The following NEDD9 variants were observed in gnomAD, a reference collection of about 807,000 sequenced individuals.
The protein encoded by NEDD9 is neural precursor cell expressed, developmentally down-regulated 9, also known as enhancer of filamentation 1.
In NEDD9, 26 loss-of-function variants were observed where a neutral mutation model predicts 76.6. The observed-to-expected ratio is 0.34, with a 90% CI of 0.25 to 0.47. NEDD9 has a LOEUF of 0.47. NEDD9 is among the 20% of genes least tolerant of loss of function. The pLI is 1.00. For synonymous variants in NEDD9, 392 were observed against 414.2 expected, an observed-to-expected ratio of 0.95 and a Z score of 0.65; for missense variants, 937 against 1,058.5, an observed-to-expected ratio of 0.89 and a Z score of 1.59.
chr6:11,248,962 T>C, intron 3 of NEDD9: 1 of 375,886 alleles, frequency 2.7e-6, no homozygotes, highest in South Asian at 1.9e-5. Context: ...CTTCTCCTTC[T>C]CTTCTCTCTC....
At chr6:11,266,664 G>A (rs1409773082) in intron 3 of NEDD9, among the ~76,000 whole-genome samples, 2 of 152,120 alleles carry the variant, frequency 1.3e-5, no homozygotes, top group Non-Finnish European at 2.9e-5. Context: ...TACTGTATGG[G>A]TTTATATTTG....
intron 3 of NEDD9, among the ~76,000 whole-genome samples, chr6:11,274,975 T>C (rs1476115845): frequency 1.3e-5 from 2 of 152,226 alleles, no homozygotes; most frequent in Non-Finnish European, 2.9e-5. Context: ...AGCCAAGTTA[T>C]GGAATCAACC....
At chr6:11,227,738 G>T (rs1759346159) in intron 1 of NEDD9, among the ~76,000 whole-genome samples, 1 of 152,128 alleles carries the variant, frequency 6.6e-6, no homozygotes, top group Non-Finnish European at 1.5e-5. Flanking sequence ...TGAGTTACAG[G>T]TATCCTTTAG....
At position 11,289,602 on chromosome 6, in the gene NEDD9, G is replaced by T. The variant is rs531118623; in HGVS notation, c.12+16390C>A. Among the ~76,000 whole-genome samples the T allele has an allele frequency of 1.6e-4, 24 of 152,226 alleles. No homozygotes were observed. The East Asian group carries it at 4.6e-3, about 29-fold the overall frequency. On this transcript the variant is annotated intron_variant, in intron 3 of 3. Coordinates refer to the NEDD9 transcript ENST00000397378. ...CGAGTAGCTGGGACTACAGGCACCT[G>T]CCACCACGCCTGGCTAATTTTTGTA...
intron 2 of NEDD9, chr6:11,328,708 C>A (rs183005268): frequency 6.6e-6 from 1 of 152,238 alleles, no homozygotes; most frequent in African/African-American, 2.4e-5. Context: ...CTTTGCCTTC[C>A]GTGCTAAGTG....
chr6:11,254,759 G>GCT (rs1464926377), intron 3 of NEDD9, among the ~76,000 whole-genome samples: 1 of 152,156 alleles, frequency 6.6e-6, no homozygotes, highest in Non-Finnish European at 1.5e-5. Flanking sequence ...ATTTCTAGCT[G>GCT]CTCTCTCCCC....
chr6:11,359,700 C>A (rs1392544648), intron 1 of NEDD9, among the ~76,000 whole-genome samples: 1 of 152,224 alleles, frequency 6.6e-6, no homozygotes, highest in Non-Finnish European at 1.5e-5. Flanking sequence ...CATAATATCC[C>A]AAACAAGTTG....
Position 11,213,774 on chromosome 6 carries a change from G to T in NEDD9, c.13-47C>A. ...GAAACCGTGTTAGAATATTGGGTCG[G>T]TCCCTTTATCACCTAAGGCCCGTGC... On this transcript the variant is annotated intron_variant, in intron 1 of 6. Coordinates refer to ENST00000379446, the MANE Select transcript of NEDD9 (RefSeq NM_006403.4). The surrounding 1 kb of genome is among the most constrained non-coding windows in gnomAD (Gnocchi z 5.4). The T allele has an allele frequency of 1.3e-6, 2 of 1,578,406 alleles. No homozygotes were observed. Among genetic ancestry groups the T allele is most frequent in the Non-Finnish European group, 1.7e-6 (2 of 1,154,382 alleles).
intron 1 of NEDD9, 34 bp downstream of exon 1, chr6:11,232,470 C>T (rs1561800051): frequency 1.3e-5 from 21 of 1,614,012 alleles, no homozygotes; most frequent in South Asian, 2.2e-5. Flanking sequence ...CAGCTTTCAG[C>T]TTGCAAGGTA....
At chr6:11,308,008 A>T (rs897050955) in intron 2 of NEDD9, among the ~76,000 whole-genome samples, 1 of 152,142 alleles carries the variant, frequency 6.6e-6, no homozygotes, top group Admixed American at 6.5e-5. Context: ...CGTGCCAAGG[A>T]CCAGGACATT....
upstream of NEDD9, chr6:11,233,401 A>C (rs1379185865): frequency 1.9e-6 from 1 of 519,000 alleles, no homozygotes; most frequent in South Asian, 1.4e-5. Context: ...TTTGCTGAGG[A>C]TAAAGGTTAG....
Position 11,190,224 on chromosome 6 carries a change from T to C in NEDD9, c.1645A>G (p.Ile549Val). The part of the protein sequence containing the change: ...PDDAKQLTTT[I>V]NTNAEALFRP... ...AAGAGGGCCTCTGCGTTGGTGTTGATGGTTGTGGTGAGCTGCTTGGCGTCA... is the reference window on the plus strand; with the variant it reads ...AAGAGGGCCTCTGCGTTGGTGTTGACGGTTGTGGTGAGCTGCTTGGCGTCA... Residue 549 changes from isoleucine (I) to valine (V), a missense_variant, in exon 5 of 7, where the codon ATC (isoleucine) becomes GTC (valine). Ile to Val is a conservative substitution (Grantham distance 29). Transcript: ENST00000379446. This position sits in a 1 kb window ranked among gnomAD's most constrained non-coding sequence, Gnocchi z 5.8. The C allele has an allele frequency of 6.2e-7, 1 of 1,614,210 alleles. No homozygotes were observed. Among genetic ancestry groups the C allele is most frequent in the Non-Finnish European group, 8.5e-7 (1 of 1,180,042 alleles).
At chr6:11,351,644 G>A (rs1762471830) in intron 1 of NEDD9, among the ~76,000 whole-genome samples, 1 of 152,206 alleles carries the variant, frequency 6.6e-6, no homozygotes, top group South Asian at 2.1e-4. Context: ...TGAGCCAACA[G>A]ATGTGGTGAC....
intron 2 of NEDD9, among the ~76,000 whole-genome samples, chr6:11,209,842 TTC>T (rs1758721282): frequency 6.6e-6 from 1 of 152,208 alleles, no homozygotes; most frequent in African/African-American, 2.4e-5. Flanking sequence ...ATGACTATAT[TTC>T]TTTCTCTAAA....
intron 3 of NEDD9, among the ~76,000 whole-genome samples, chr6:11,246,562 C>A (rs1200794410): frequency 1.3e-5 from 2 of 152,206 alleles, no homozygotes; most frequent in Admixed American, 1.3e-4. Context: ...TGCGGTTTAA[C>A]CAATGAAGCC....
upstream of NEDD9, among the ~76,000 whole-genome samples, chr6:11,235,070 G>C (rs1055931519): frequency 6.6e-6 from 1 of 152,064 alleles, no homozygotes; most frequent in African/African-American, 2.4e-5. The surrounding 1 kb of genome is among the most constrained non-coding windows in gnomAD (Gnocchi z 4.1). Flanking sequence ...AATAATACCT[G>C]CTAGCCTCAT....
Position 11,213,642 on chromosome 6 carries a change from A to C in NEDD9, c.98T>G (p.Ile33Arg). 1 of 1,614,162 alleles carries C rather than the reference A, an allele frequency of 6.2e-7. No individual in the cohort carries two copies. Among genetic ancestry groups the C allele is most frequent in the Non-Finnish European group, 8.5e-7 (1 of 1,180,030 alleles). ...TTCCAGTCCCCCTGTGTTCTGCTCTATGACGGTCAGGATGTCTCCCTTGCG... is the reference window on the plus strand; with the variant it reads ...TTCCAGTCCCCCTGTGTTCTGCTCTCTGACGGTCAGGATGTCTCCCTTGCG... ...AFRKGDILTV[I>R]EQNTGGLEGW... is the part of the protein sequence containing the mutation. Residue 33 changes from isoleucine (I) to arginine (R), a missense_variant, in exon 2 of 7, where the codon ATA becomes AGA. By Grantham distance (97) the Ile-to-Arg change is moderately conservative. Transcript: ENST00000379446. The surrounding 1 kb of genome is among the most constrained non-coding windows in gnomAD (Gnocchi z 5.4).
At chr6:11,225,483 TTTTG>T (rs561648966) in intron 1 of NEDD9, among the ~76,000 whole-genome samples, 26 of 152,038 alleles carry the variant, frequency 1.7e-4, no homozygotes, top group Middle Eastern at 3.4e-3. Flanking sequence ...AGACTAGCTG[TTTTG>T]TTTGTTTGTT....
At chr6:11,262,444 T>C (rs1281840226) in intron 3 of NEDD9, among the ~76,000 whole-genome samples, 1 of 152,146 alleles carries the variant, frequency 6.6e-6, no homozygotes, top group Non-Finnish European at 1.5e-5. Context: ...TCCCTTCCTG[T>C]CCTAAGGTGC....
Sources: allele counts gnomAD v4.1 joint callset (sites outside exome capture counted in the v4.1 genomes callset), GRCh38; gene constraint gnomAD v4.1.1; non-coding constraint Gnocchi (gnomAD v3.1); transcripts MANE v1.5; gene names NCBI Gene and HGNC (gene_info 2026-07-23, HGNC 2026-07-21).